Variants in RNF13 observed in about 807,000 individuals in gnomAD.
RNF13 encodes the protein E3 ubiquitin-protein ligase RNF13.
A neutral mutation model predicts 37.7 loss-of-function variants in RNF13; 19 were observed. The observed-to-expected ratio is 0.50, with a 90% confidence interval of 0.35 to 0.74. The LOEUF is 0.74. RNF13 is among the 30% of genes least tolerant of loss of function. The probability of loss-of-function intolerance (pLI) is 0.01; values close to 1 mark genes in which losing one functional copy is unlikely to be tolerated. For synonymous variants in RNF13, 144 were observed against 157.8 expected, an observed-to-expected ratio of 0.91 and a Z score of 0.65; for missense variants, 375 against 453.0, an observed-to-expected ratio of 0.83 and a Z score of 1.56.
intron 8 of RNF13, among the ~76,000 whole-genome samples, chr3:149,955,322 C>G (rs890017918): frequency 6.6e-6 from 1 of 151,596 alleles, no homozygotes; most frequent in Non-Finnish European, 1.5e-5. Flanking sequence ...TTAAAGACTT[C>G]TTTTTTTATA....
Position 149,958,303 on chromosome 3 carries a change from C to G in RNF13, c.701-1753C>G, listed in dbSNP as rs573239718. ...CTTTCTGGAGGTTCCAGGGAAGAAT[C>G]CATTTCCTTACCTTTTCTGGCTTCT... On this transcript the variant is annotated intron_variant, in intron 8 of 9. Coordinates refer to ENST00000392894, the MANE Select transcript of RNF13 (RefSeq NM_183381.3). Among the ~76,000 whole-genome samples the G allele has an allele frequency of 3.9e-5, 6 of 152,282 alleles. No individual in the cohort carries two copies. The South Asian group carries it at 1.2e-3, about 32-fold the overall frequency.
At chr3:149,850,974 C>T (rs574831247) in intron 2 of RNF13, among the ~76,000 whole-genome samples, 1 of 152,268 alleles carries the variant, frequency 6.6e-6, no homozygotes, top group South Asian at 2.1e-4. Context: ...ACCACATATA[C>T]TTGATGGCCT....
intron 9 of RNF13, among the ~76,000 whole-genome samples, chr3:149,960,513 AC>A (rs1722293191): frequency 6.6e-6 from 1 of 152,040 alleles, no homozygotes. Context: ...AATGGCGTGA[AC>A]CCAGGAGGCA....
intron 8 of RNF13, among the ~76,000 whole-genome samples, chr3:149,926,300 C>T (rs1718643631): frequency 6.6e-6 from 1 of 152,136 alleles, no homozygotes; most frequent in Admixed American, 6.5e-5. Flanking sequence ...CAAGCTCCGC[C>T]TCCCGAGTTC....
chr3:149,936,629 A>G (rs1719712331), intron 8 of RNF13, among the ~76,000 whole-genome samples: 1 of 151,978 alleles, frequency 6.6e-6, no homozygotes. Context: ...TTACTCTGCT[A>G]TCTTGGAGTT....
At chr3:149,912,755 T>C (rs1244698058) in intron 7 of RNF13, among the ~76,000 whole-genome samples, 2 of 152,168 alleles carry the variant, frequency 1.3e-5, no homozygotes, top group African/African-American at 4.8e-5. Context: ...GAATGACATA[T>C]TATTTCTCCA....
chr3:149,879,217 C>G (rs1713096228), intron 4 of RNF13, among the ~76,000 whole-genome samples: 1 of 151,782 alleles, frequency 6.6e-6, no homozygotes, highest in Non-Finnish European at 1.5e-5. Flanking sequence ...AAATGAATTT[C>G]TGTGTACTCA....
intron 1 of RNF13, among the ~76,000 whole-genome samples, chr3:149,830,992 G>A (rs77786931): frequency 0.027 from 4,045 of 152,384 alleles, 69 homozygotes; most frequent in South Asian, 0.036. Flanking sequence ...CTTCCACGTG[G>A]TGTTGAGCTG....
At chr3:149,937,173 C>T (rs941196547) in intron 8 of RNF13, among the ~76,000 whole-genome samples, 20 of 152,210 alleles carry the variant, frequency 1.3e-4, no homozygotes, top group African/African-American at 4.6e-4. Flanking sequence ...CCTACTTCCA[C>T]GTTTGTCCAT....
rs560337672 is a variant in RNF13, at chr3:149,946,371, A to G, written c.701-13685A>G. ...TTTTGATTCTTTCAAAGAGTTTGAG[A>G]AGGATTAGTGTTAGTTCTTATTTAA... is the stretch of plus-strand genomic sequence containing the variant. On this transcript the variant is annotated intron_variant, in intron 8 of 9. Transcript: ENST00000392894. Among the ~76,000 whole-genome samples the G allele has an allele frequency of 3.9e-5, 6 of 152,320 alleles. No individual in the cohort carries two copies. In the East Asian group the frequency reaches 9.6e-4, roughly 24 times the overall value.
Position 149,961,283 on chromosome 3 carries a change from A to G in RNF13, c.*179A>G. 2.9e-6 allele frequency: 2 copies of G among 680,268 alleles called. No homozygotes were observed. The highest frequency in any genetic ancestry group is 1.6e-5 in the South Asian group (1 of 61,158). The allele number at this position is 680,268 out of a possible 1,614,324, so 42.1% of individuals were successfully genotyped here. On this transcript the variant is annotated 3_prime_UTR_variant, in exon 10 of 10. Coordinates refer to ENST00000392894, the MANE Select transcript of RNF13 (RefSeq NM_183381.3). ...TATTTATCTGCCAAGAATATACTTCATTCACTAATAATAGACTGGTGCTGT... is the reference window on the plus strand; with the variant it reads ...TATTTATCTGCCAAGAATATACTTCGTTCACTAATAATAGACTGGTGCTGT...
intron 8 of RNF13, among the ~76,000 whole-genome samples, chr3:149,945,646 A>G (rs187472041): frequency 4.9e-4 from 74 of 152,180 alleles, no homozygotes; most frequent in African/African-American, 1.8e-3. Context: ...CCCCCAAGTA[A>G]CCTAACTGGG....
At chr3:149,902,834 A>G (rs1715982214) in intron 6 of RNF13, among the ~76,000 whole-genome samples, 4 of 152,162 alleles carry the variant, frequency 2.6e-5, no homozygotes, top group Admixed American at 2.0e-4. Flanking sequence ...AACAACAACA[A>G]AAATAATAAT....
At chr3:149,938,104 C>A (rs2108572271) in intron 8 of RNF13, among the ~76,000 whole-genome samples, 1 of 151,914 alleles carries the variant, frequency 6.6e-6, no homozygotes, top group East Asian at 1.9e-4. Context: ...TATATTTTGG[C>A]ACTCTGTTAT....
At chr3:149,896,618 G>A (rs1576839882) in intron 5 of RNF13, among the ~76,000 whole-genome samples, 1 of 151,536 alleles carries the variant, frequency 6.6e-6, no homozygotes, top group African/African-American at 2.4e-5. Flanking sequence ...TAGCTGGGAT[G>A]ACAGGCACCT....
intron 1 of RNF13, among the ~76,000 whole-genome samples, chr3:149,835,527 GTTT>G (rs1239358463): frequency 6.6e-6 from 1 of 151,798 alleles, no homozygotes; most frequent in African/African-American, 2.4e-5. Context: ...ACGATGTTTG[GTTT>G]TCCATTCCTG....
At chr3:149,856,494 A>G (rs186410245) in intron 3 of RNF13, among the ~76,000 whole-genome samples, 72 of 146,780 alleles carry the variant, frequency 4.9e-4, no homozygotes, top group African/African-American at 1.8e-3. Context: ...CCCAGCCTGG[A>G]GTGCAGTGGC....
At chr3:149,820,992 GCAGAAGAATATTCCTTTCCATGT>G (rs1477878861) in intron 1 of RNF13, among the ~76,000 whole-genome samples, 2 of 152,048 alleles carry the variant, frequency 1.3e-5, no homozygotes, top group African/African-American at 2.4e-5. Context: ...CCTTTTCATA[GCAGAAGAATATTCCTTTCCATGT>G]CAGAAGAATA....
chr3:149,833,787 A>G (rs1721308054), intron 1 of RNF13, among the ~76,000 whole-genome samples: 1 of 152,264 alleles, frequency 6.6e-6, no homozygotes, highest in South Asian at 2.1e-4. Context: ...AAGAGAAATG[A>G]AAGGCATCAA....
Sources: gnomAD v4.1 joint callset for allele counts (sites outside exome capture counted in the v4.1 genomes callset) on GRCh38, gnomAD v4.1.1 for gene constraint, MANE v1.5 for transcripts, NCBI Gene and HGNC (gene_info 2026-07-23, HGNC 2026-07-21) for gene names.